The following C10orf95 variants were observed in gnomAD, a reference collection of about 807,000 sequenced individuals.
C10orf95 encodes chromosome 10 open reading frame 95, also known as uncharacterized protein C10orf95.
For missense variants in C10orf95, 412 were observed against 327.4 expected (o/e 1.26, Z -1.99); for synonymous variants, 188 against 160.4 (o/e 1.17, Z -1.30).
At position 102,451,145 on chromosome 10, in the gene C10orf95, G is replaced by T. The variant is rs770935419; in HGVS notation, c.-52C>A. 2.8e-6 allele frequency: 4 copies of T among 1,442,412 alleles called. No individual in the cohort carries two copies. Among genetic ancestry groups the T allele is most frequent in the Non-Finnish European group, 3.6e-6 (4 of 1,100,792 alleles). 89.4% of individuals were successfully genotyped at this position (1,442,412 alleles called of 1,614,324 possible). ...CTTACTGGGGGCTCCTGCGGATCCA[G>T]ACCTGCGGCGGAGGAAGGGATATGT... is the stretch of plus-strand genomic sequence containing the variant. On this transcript the variant is annotated splice_region_variant and 5_prime_UTR_variant, in exon 2 of 2. In the 5' UTR this introduces an upstream ATG that the reference lacks. Transcript: ENST00000625129.
In C10orf95 at chr10:102,450,644, G is replaced by T. The variant is rs12761979; in HGVS notation, c.450C>A (p.Gly150=). 8.1e-7 allele frequency: 1 copy of T among 1,231,214 alleles called. No homozygotes were observed. The allele number at this position is 1,231,214 out of a possible 1,614,324, so 76.3% of individuals were successfully genotyped here. A position where few individuals can be genotyped will look rare whatever the true frequency, so the allele number is the denominator to read the frequency against. ...CGCGCACGTCGGCGCGGGGGTAGGTGCCGTACGCGCGCCGCAGCTCCCGGC... is the reference window on the plus strand; with the variant it reads ...CGCGCACGTCGGCGCGGGGGTAGGTTCCGTACGCGCGCCGCAGCTCCCGGC... The part of the protein sequence containing the change: ...FVRRELRRAY[G]TYPRADVRVT... Residue 150 remains glycine, a synonymous_variant, in exon 2 of 2, where the codon GGC becomes GGA. Coordinates refer to ENST00000625129, the MANE Select transcript of C10orf95 (RefSeq NM_001363580.1).
In C10orf95 at chr10:102,450,926, C is replaced by A. The variant is rs1358667606; in HGVS notation, c.168G>T (p.Arg56=). 4.8e-6 allele frequency: 6 copies of A among 1,247,966 alleles called. No individual in the cohort carries two copies. The highest frequency in any genetic ancestry group is 6.0e-6 in the Non-Finnish European group (6 of 996,872). 77.3% of individuals were successfully genotyped at this position (1,247,966 alleles called of 1,614,324 possible). A position where few individuals can be genotyped will look rare whatever the true frequency, so the allele number is the denominator to read the frequency against. ...SLHAGEWAAP[R]EYHRFYGPAA... ...CGGGGCCGTAGAAGCGGTGGTATTC[C>A]CGTGGGGCCGCCCACTCGCCCGCAT... Residue 56 remains arginine (R), a synonymous_variant, in exon 2 of 2, where the codon CGG becomes CGT. Coordinates refer to ENST00000625129, the MANE Select transcript of C10orf95 (RefSeq NM_001363580.1).
rs1413458457 is a variant in C10orf95, at chr10:102,450,596, G to A, written c.498C>T (p.Phe166=). 1 of 1,267,590 alleles carries A rather than the reference G, an allele frequency of 7.9e-7. No homozygotes were observed. Among genetic ancestry groups the A allele is most frequent in the African/African-American group, 1.6e-5 (1 of 64,016 alleles). The allele number at this position is 1,267,590 out of a possible 1,614,324, so 78.5% of individuals were successfully genotyped here. ...DVRVTQRRGQ[F]LLQATPRVLE... is the part of the protein sequence containing the mutation. Reference sequence around the variant, plus strand: ...GCACGCGCGGCGTCGCCTGCAGCAGGAACTGGCCGCGGCGCTGGGTGACGC... The same window carrying A: ...GCACGCGCGGCGTCGCCTGCAGCAGAAACTGGCCGCGGCGCTGGGTGACGC... Residue 166 remains phenylalanine, a synonymous_variant, in exon 2 of 2, where the codon TTC becomes TTT. Transcript: ENST00000625129.
chr10:102,450,731 C>A lies in C10orf95; in HGVS notation c.363G>T (p.Glu121Asp). The A allele has an allele frequency of 9.1e-6, 12 of 1,316,532 alleles. No homozygotes were observed. Among genetic ancestry groups the A allele is most frequent in the Admixed American group, 6.6e-5 (2 of 30,404 alleles). 81.6% of individuals were successfully genotyped at this position (1,316,532 alleles called of 1,614,324 possible). A position where few individuals can be genotyped will look rare whatever the true frequency, so the allele number is the denominator to read the frequency against. Residue 121 changes from glutamate to aspartate, a missense_variant, in exon 2 of 2, where the codon GAG becomes GAT. Glu to Asp is a conservative substitution (Grantham distance 45, BLOSUM62 2). Transcript: ENST00000625129. ...PWPEGGSLQTELRWGRVERAR... is the reference protein window; with the variant it reads ...PWPEGGSLQTDLRWGRVERAR... ...CGCGCTCCACGCGGCCCCAGCGCAG[C>A]TCGGTTTGCAGGCTCCCGCCCTCCG...
chr10:102,451,257 A>G, intron 1 of C10orf95, 110 bp from the exon 2 acceptor site: 3 of 1,424,704 alleles, frequency 2.1e-6, no homozygotes, highest in Non-Finnish European at 2.8e-6. Context: ...ATTCATCCCA[A>G]ATCGAACATT....
chr10:102,450,926 C>CGAA lies in C10orf95; in HGVS notation c.167_168insTTC (p.Arg56_Glu57insSer). On this transcript the variant is annotated inframe_insertion, in exon 2 of 2. Coordinates refer to ENST00000625129, the MANE Select transcript of C10orf95 (RefSeq NM_001363580.1). ...CGGGGCCGTAGAAGCGGTGGTATTC[C>CGAA]CGTGGGGCCGCCCACTCGCCCGCAT... is the stretch of plus-strand genomic sequence containing the variant. The CGAA allele has an allele frequency of 8.0e-7, 1 of 1,248,080 alleles. No homozygotes were observed. The highest frequency in any genetic ancestry group is 1.0e-6 in the Non-Finnish European group (1 of 996,864). The allele number at this position is 1,248,080 out of a possible 1,614,324, so 77.3% of individuals were successfully genotyped here.
rs956276345 is a variant in C10orf95, at chr10:102,450,352, C to A, written c.*100G>T. The stretch of plus-strand genomic sequence containing the variant: ...ACAGGTGAGCAGCGCGTCCGCCTCC[C>A]GCGCACAGGTGAGGGCTCACTTCTG... On this transcript the variant is annotated 3_prime_UTR_variant, in exon 2 of 2. Transcript: ENST00000625129. 2.1e-5 allele frequency: 28 copies of A among 1,307,964 alleles called. No homozygotes were observed. The highest frequency in any genetic ancestry group is 5.0e-5 in the South Asian group (4 of 79,262). The allele number at this position is 1,307,964 out of a possible 1,614,324, so 81.0% of individuals were successfully genotyped here. A position where few individuals can be genotyped will look rare whatever the true frequency, so the allele number is the denominator to read the frequency against.
Position 102,451,371 on chromosome 10 carries a change from T to C in C10orf95, c.-55+15A>G. 1 of 1,557,560 alleles carries C rather than the reference T, an allele frequency of 6.4e-7. No homozygotes were observed. The highest frequency in any genetic ancestry group is 1.1e-5 in the South Asian group (1 of 89,210). On this transcript the variant is annotated intron_variant, in intron 1 of 1. Coordinates refer to ENST00000625129, the MANE Select transcript of C10orf95 (RefSeq NM_001363580.1). Reference sequence around the variant, plus strand: ...CCCTCCGCCGGGATGCTCTTCCCAGTGACTCCCCACTCACTTGTCTCCTTC... The same window carrying C: ...CCCTCCGCCGGGATGCTCTTCCCAGCGACTCCCCACTCACTTGTCTCCTTC...
Position 102,450,993 on chromosome 10 carries a change from G to T in C10orf95, c.101C>A (p.Pro34Gln), listed in dbSNP as rs776973795. 7.6e-7 allele frequency: 1 copy of T among 1,315,026 alleles called. No homozygotes were observed. The allele number at this position is 1,315,026 out of a possible 1,614,324, so 81.5% of individuals were successfully genotyped here. The change falls in exon 2 of 2, where the codon CCA becomes CAA. Residue 34 changes from proline (P) to glutamine (Q), a missense_variant. Physicochemically the swap from Pro to Gln is moderately conservative, Grantham distance 76. Coordinates refer to ENST00000625129, the MANE Select transcript of C10orf95 (RefSeq NM_001363580.1). Reference protein sequence around the residue: ...TYLAAPLLLPPVQAHSFRSRP... With the variant: ...TYLAAPLLLPQVQAHSFRSRP... ...GCTGCGGAAGCTGTGGGCCTGGACTGGGGGTAGCAGCAGAGGGGCGGCCAG... is the reference window on the plus strand; with the variant it reads ...GCTGCGGAAGCTGTGGGCCTGGACTTGGGGTAGCAGCAGAGGGGCGGCCAG...
chr10:102,450,978 C>A lies in C10orf95; in HGVS notation c.116G>T (p.Ser39Ile), dbSNP rs2281878. Residue 39 changes from serine to isoleucine, a missense_variant, in exon 2 of 2, where the codon AGC (serine) becomes ATC (isoleucine). Coordinates refer to ENST00000625129, the MANE Select transcript of C10orf95 (RefSeq NM_001363580.1). ...CAGGCTCCCGGGCCGGCTGCGGAAGCTGTGGGCCTGGACTGGGGGTAGCAG... is the reference window on the plus strand; with the variant it reads ...CAGGCTCCCGGGCCGGCTGCGGAAGATGTGGGCCTGGACTGGGGGTAGCAG... ...PLLLPPVQAHSFRSRPGSLHA... is the reference protein window; with the variant it reads ...PLLLPPVQAHIFRSRPGSLHA... The A allele has an allele frequency of 0.22, 281,732 of 1,295,332 alleles. 31,938 individuals are homozygous for A. The highest frequency in any genetic ancestry group is 0.37 in the East Asian group (12,982 of 35,308). The allele number at this position is 1,295,332 out of a possible 1,614,324, so 80.2% of individuals were successfully genotyped here.
Position 102,450,721 on chromosome 10 carries a change from C to G in C10orf95, c.373G>C (p.Gly125Arg). The G allele has an allele frequency of 7.6e-7, 1 of 1,309,268 alleles. No individual in the cohort carries two copies. The highest frequency in any genetic ancestry group is 9.8e-7 in the Non-Finnish European group (1 of 1,025,384). The allele number at this position is 1,309,268 out of a possible 1,614,324, so 81.1% of individuals were successfully genotyped here. A position where few individuals can be genotyped will look rare whatever the true frequency, so the allele number is the denominator to read the frequency against. ...GGGCCCCGCGCGCGCTCCACGCGGCCCCAGCGCAGCTCGGTTTGCAGGCTC... is the reference window on the plus strand; with the variant it reads ...GGGCCCCGCGCGCGCTCCACGCGGCGCCAGCGCAGCTCGGTTTGCAGGCTC... ...GGSLQTELRW[G>R]RVERARGPPL... is the part of the protein sequence containing the mutation. The change falls in exon 2 of 2, where the codon GGC becomes CGC. Residue 125 changes from glycine (G) to arginine (R), a missense_variant. Transcript: ENST00000625129.
At position 102,450,896 on chromosome 10, in the gene C10orf95, CGCGGCGGGGCCGTAGAAGCGGTGGT is replaced by C; in HGVS notation, c.173_197del (p.Tyr58CysfsTer147). ...ACCAGGGCGGCGCGGCCTCGGGTGG[CGCGGCGGGGCCGTAGAAGCGGTGGT>C]ATTCCCGTGGGGCCGCCCACTCGCC... On this transcript the variant is annotated frameshift_variant, in exon 2 of 2. Transcript: ENST00000625129. LOFTEE classifies it low-confidence loss of function (END_TRUNC). 7 of 1,235,144 alleles carry C rather than the reference CGCGGCGGGGCCGTAGAAGCGGTGGT, an allele frequency of 5.7e-6. No homozygotes were observed. Among genetic ancestry groups the C allele is most frequent in the Non-Finnish European group, 7.1e-6 (7 of 990,132 alleles). 76.5% of individuals were successfully genotyped at this position (1,235,144 alleles called of 1,614,324 possible).
In C10orf95 at chr10:102,450,447, C is replaced by T. The variant is rs2061683966; in HGVS notation, c.*5G>A. On this transcript the variant is annotated 3_prime_UTR_variant, in exon 2 of 2. Coordinates refer to ENST00000625129, the MANE Select transcript of C10orf95 (RefSeq NM_001363580.1). The stretch of plus-strand genomic sequence containing the variant: ...GCGGGCCCGCCCCTAGGCCTTGCGG[C>T]GGCTTCAGCTCAGGCCCTTGCTCTT... The T allele has an allele frequency of 2.0e-6, 3 of 1,524,030 alleles. No individual in the cohort carries two copies. The highest frequency in any genetic ancestry group is 2.0e-5 in the Admixed American group (1 of 50,254). The allele number at this position is 1,524,030 out of a possible 1,614,324, so 94.4% of individuals were successfully genotyped here. A position where few individuals can be genotyped will look rare whatever the true frequency, so the allele number is the denominator to read the frequency against.
Position 102,450,533 on chromosome 10 carries a change from G to A in C10orf95, c.561C>T (p.Arg187=), listed in dbSNP as rs1443197815. The part of the protein sequence containing the change: ...PDHRVEWRVR[R]RPDSGDSSPA... ...GGCTGCTGTCGCCGCTGTCGGGCCGGCGCCGCACGCGCCACTCCACGCGGT... is the reference window on the plus strand; with the variant it reads ...GGCTGCTGTCGCCGCTGTCGGGCCGACGCCGCACGCGCCACTCCACGCGGT... The change falls in exon 2 of 2, where the codon CGC becomes CGT. Residue 187 remains arginine, a synonymous_variant. Transcript: ENST00000625129. The A allele has an allele frequency of 5.8e-6, 8 of 1,369,784 alleles. No individual in the cohort carries two copies. Among genetic ancestry groups the A allele is most frequent in the South Asian group, 3.4e-5 (2 of 58,924 alleles). 84.9% of individuals were successfully genotyped at this position (1,369,784 alleles called of 1,614,324 possible).
In C10orf95 at chr10:102,451,165, A is replaced by T. The variant is rs752487556; in HGVS notation, c.-54-18T>A. The T allele has an allele frequency of 1.4e-6, 2 of 1,461,234 alleles. No individual in the cohort carries two copies. Among genetic ancestry groups the T allele is most frequent in the Non-Finnish European group, 1.8e-6 (2 of 1,111,982 alleles). 90.5% of individuals were successfully genotyped at this position (1,461,234 alleles called of 1,614,324 possible). A position where few individuals can be genotyped will look rare whatever the true frequency, so the allele number is the denominator to read the frequency against. ...ATCCAGACCTGCGGCGGAGGAAGGG[A>T]TATGTAGACAGACTTTCTACTTAAC... On this transcript the variant is annotated intron_variant, in intron 1 of 1. Coordinates refer to ENST00000625129, the MANE Select transcript of C10orf95 (RefSeq NM_001363580.1).
chr10:102,450,299 G>A lies in C10orf95; in HGVS notation c.*153C>T, dbSNP rs1167260572. On this transcript the variant is annotated 3_prime_UTR_variant, in exon 2 of 2. Coordinates refer to ENST00000625129, the MANE Select transcript of C10orf95 (RefSeq NM_001363580.1). ...CGAGAGAAACAAGTGCAGGAAACTGGCCGGCAGTCATGGGAGAAGCCAAAA... is the reference window on the plus strand; with the variant it reads ...CGAGAGAAACAAGTGCAGGAAACTGACCGGCAGTCATGGGAGAAGCCAAAA... 1.9e-4 allele frequency: 159 copies of A among 830,960 alleles called. No individual in the cohort carries two copies. In the East Asian group the frequency reaches 3.9e-3, roughly 21 times the overall value. The allele number at this position is 830,960 out of a possible 1,614,324, so 51.5% of individuals were successfully genotyped here. A position where few individuals can be genotyped will look rare whatever the true frequency, so the allele number is the denominator to read the frequency against.
At position 102,450,997 on chromosome 10, in the gene C10orf95, G is replaced by T. The variant is rs200900514; in HGVS notation, c.97C>A (p.Pro33Thr). The T allele has an allele frequency of 1.2e-5, 16 of 1,317,474 alleles. No homozygotes were observed. In the Middle Eastern group the frequency reaches 2.3e-3, roughly 192 times the overall value. 81.6% of individuals were successfully genotyped at this position (1,317,474 alleles called of 1,614,324 possible). The change falls in exon 2 of 2, where the codon CCC (proline) becomes ACC (threonine). Residue 33 changes from proline to threonine, a missense_variant. By Grantham distance (38) the Pro-to-Thr change is conservative (BLOSUM62 -1). Transcript: ENST00000625129. Reference protein sequence around the residue: ...CTYLAAPLLLPPVQAHSFRSR... With the variant: ...CTYLAAPLLLTPVQAHSFRSR... ...CGGAAGCTGTGGGCCTGGACTGGGGGTAGCAGCAGAGGGGCGGCCAGGTAG... is the reference window on the plus strand; with the variant it reads ...CGGAAGCTGTGGGCCTGGACTGGGGTTAGCAGCAGAGGGGCGGCCAGGTAG...
intron 1 of C10orf95, 95 bp from the exon 2 acceptor site, chr10:102,451,242 G>T: frequency 7.0e-7 from 1 of 1,426,828 alleles, no homozygotes; most frequent in Non-Finnish European, 9.2e-7. Context: ...CATGGCTTTG[G>T]GGGAATTCAT....
At position 102,451,500 on chromosome 10, in the gene C10orf95, G is replaced by C. The variant is rs200260551; in HGVS notation, c.-169C>G. 53 of 1,376,454 alleles carry C rather than the reference G, an allele frequency of 3.9e-5. No homozygotes were observed. The African/African-American group carries it at 7.6e-4, about 20-fold the overall frequency. 85.3% of individuals were successfully genotyped at this position (1,376,454 alleles called of 1,614,324 possible). A position where few individuals can be genotyped will look rare whatever the true frequency, so the allele number is the denominator to read the frequency against. ...CCTCAGCCACTCCTCCTGGTTACCA[G>C]GCAAAAGGAAACACCTTGAGCTGGC... On this transcript the variant is annotated 5_prime_UTR_variant, in exon 1 of 2. Transcript: ENST00000625129.
Sources: allele counts gnomAD v4.1 joint callset, GRCh38; gene constraint gnomAD v4.1.1; transcripts MANE v1.5; gene names NCBI Gene and HGNC (gene_info 2026-07-23, HGNC 2026-07-21).